Variants in SEMA3A observed in about 807,000 individuals in gnomAD.
SEMA3A encodes the protein semaphorin 3A, also known as semaphorin-3A.
A neutral mutation model predicts 97.9 loss-of-function variants in SEMA3A; 29 were observed. That is an observed-to-expected ratio of 0.30 (90% CI 0.22 to 0.40). The LOEUF (loss-of-function observed/expected upper bound fraction) is 0.40. SEMA3A is among the 10% of genes least tolerant of loss of function. The pLI is 1.00. For synonymous variants in SEMA3A, 321 were observed against 323.7 expected (o/e 0.99, Z 0.09); for missense variants, 763 against 951.3 (o/e 0.80, Z 2.60).
At position 84,181,368 on chromosome 7, in the gene SEMA3A, A is replaced by G. The variant is rs556318762; in HGVS notation, c.112+13107T>C. On this transcript the variant is annotated intron_variant, in intron 1 of 16. Coordinates refer to ENST00000265362, the MANE Select transcript of SEMA3A (RefSeq NM_006080.3). ...ACACATATACATGAGTAGAAAGACT[A>G]TATAACAGGAAAAAATTGATATCAT... Among the ~76,000 whole-genome samples the G allele has an allele frequency of 1.3e-4, 20 of 150,342 alleles. 1 individual carries two copies. The highest frequency in any genetic ancestry group is 2.6e-4 in the Admixed American group (4 of 15,112).
chr7:83,969,414 T>C (rs1266491681), intron 15 of SEMA3A, among the ~76,000 whole-genome samples: 1 of 152,194 alleles, frequency 6.6e-6, no homozygotes. Context: ...TTTGTTACAA[T>C]TATTTTTAAT....
At chr7:84,395,491 G>A (rs558842183) in intron 1 of SEMA3A, among the ~76,000 whole-genome samples, 1 of 152,060 alleles carries the variant, frequency 6.6e-6, no homozygotes, top group East Asian at 1.9e-4. Context: ...ATTTGAATGA[G>A]GATTGATATG....
intron 1 of SEMA3A, among the ~76,000 whole-genome samples, chr7:84,182,945 A>G (rs17158710): frequency 0.011 from 1,604 of 152,254 alleles, 37 homozygotes; most frequent in African/African-American, 0.036. Context: ...GTTGTCAATT[A>G]GCTTTCATTA....
intron 1 of SEMA3A, among the ~76,000 whole-genome samples, chr7:84,425,605 T>A (rs1359805544): frequency 6.8e-6 from 1 of 147,014 alleles, no homozygotes; most frequent in Non-Finnish European, 1.5e-5. Context: ...CATATTGATA[T>A]AAATATTAAC....
At chr7:84,120,480 T>C (rs930066520) in intron 3 of SEMA3A, among the ~76,000 whole-genome samples, 3 of 152,160 alleles carry the variant, frequency 2.0e-5, no homozygotes, top group Admixed American at 6.6e-5. Flanking sequence ...TTACACTGCT[T>C]CTGAAGGCTA....
chr7:84,002,283 G>GA (rs1790489137), intron 11 of SEMA3A, among the ~76,000 whole-genome samples: 1 of 152,110 alleles, frequency 6.6e-6, no homozygotes, highest in African/African-American at 2.4e-5. Context: ...TGAATTTTTA[G>GA]AAATATGTTT....
chr7:84,250,308 A>C (rs536967806), intron 3 of SEMA3A, among the ~76,000 whole-genome samples: 1 of 152,170 alleles, frequency 6.6e-6, no homozygotes, highest in Admixed American at 6.5e-5. Context: ...AAAAAAAAGT[A>C]ACATTTAACT....
At position 84,250,429 on chromosome 7, in the gene SEMA3A, C is replaced by T. The variant is rs78527651; in HGVS notation, c.-82-55761G>A. On this transcript the variant is annotated intron_variant, in intron 3 of 3. Coordinates refer to the SEMA3A transcript ENST00000424555. ...ACGATCTCAGTCCCAGAATAATAAA[C>T]TCACTGGGGGCTTTAAACCTCTTTA... Among the ~76,000 whole-genome samples, 936 of 152,214 alleles carry T rather than the reference C, an allele frequency of 6.1e-3. 43 individuals carry two copies. The East Asian group carries it at 0.12, about 19-fold the overall frequency.
chr7:84,049,613 A>G (rs1011521013), intron 5 of SEMA3A, among the ~76,000 whole-genome samples: 1 of 152,132 alleles, frequency 6.6e-6, no homozygotes, highest in Non-Finnish European at 1.5e-5. Flanking sequence ...TTTGGAGAAT[A>G]GATATATTTT....
chr7:84,481,038 T>G (rs780110013), intron 1 of SEMA3A, among the ~76,000 whole-genome samples: 1 of 152,090 alleles, frequency 6.6e-6, no homozygotes, highest in Non-Finnish European at 1.5e-5. Flanking sequence ...GAAAGAAAGG[T>G]AGAGAAGTTA....
chr7:84,134,723 A>G (rs1430394664), intron 2 of SEMA3A, 71 bp downstream of exon 2: 1 of 1,185,776 alleles, frequency 8.4e-7, no homozygotes, highest in African/African-American at 1.6e-5. Flanking sequence ...ATGCTTTTAA[A>G]TAGCTAGAGA....
At chr7:84,461,693 TA>T (rs1358756745) in intron 1 of SEMA3A, among the ~76,000 whole-genome samples, 1 of 152,136 alleles carries the variant, frequency 6.6e-6, no homozygotes, top group African/African-American at 2.4e-5. Context: ...TTAGAATACA[TA>T]ATCTATTACT....
Position 84,005,560 on chromosome 7 carries a change from T to TATTA in SEMA3A, c.1141-6_1141-3dup. 1 of 1,586,524 alleles carries TATTA rather than the reference T, an allele frequency of 6.3e-7. No homozygotes were observed. Among genetic ancestry groups the TATTA allele is most frequent in the East Asian group, 2.2e-5 (1 of 44,714 alleles). Reference sequence around the variant, plus strand: ...ACCACCAAATGTTTTGCTGGGACACTATTAAGATAAAGAGAAAATTATCTT... The same window carrying TATTA: ...ACCACCAAATGTTTTGCTGGGACACTATTAATTAAGATAAAGAGAAAATTATCTT... On this transcript the variant is annotated splice_polypyrimidine_tract_variant and splice_region_variant and intron_variant, in intron 10 of 16. Coordinates refer to ENST00000265362, the MANE Select transcript of SEMA3A (RefSeq NM_006080.3).
At chr7:84,440,192 A>C (rs563904123) in intron 1 of SEMA3A, among the ~76,000 whole-genome samples, 16 of 152,186 alleles carry the variant, frequency 1.1e-4, no homozygotes, top group Non-Finnish European at 2.2e-4. Flanking sequence ...AGATGTAACT[A>C]TTTTTGGAAA....
exon 1 of SEMA3A, chr7:84,492,722 C>T (rs1806766085): frequency 6.6e-6 from 1 of 151,344 alleles, no homozygotes; most frequent in Non-Finnish European, 1.5e-5. Context: ...CAGGCTTCAT[C>T]TCTATTAGAG....
chr7:84,480,196 G>A (rs186636734), intron 1 of SEMA3A, among the ~76,000 whole-genome samples: 3 of 152,124 alleles, frequency 2.0e-5, no homozygotes, highest in African/African-American at 7.2e-5. Flanking sequence ...GGGCTCTGGG[G>A]TTTTTTGTTT....
At chr7:83,992,344 T>G (rs1336947411) in intron 12 of SEMA3A, among the ~76,000 whole-genome samples, 1 of 142,230 alleles carries the variant, frequency 7.0e-6, no homozygotes, top group Non-Finnish European at 1.5e-5. Flanking sequence ...TTTTAGTTAT[T>G]TCTTGCCTTC....
chr7:84,422,260 C>A (rs1804618212), intron 1 of SEMA3A, among the ~76,000 whole-genome samples: 1 of 151,642 alleles, frequency 6.6e-6, no homozygotes, highest in African/African-American at 2.4e-5. Context: ...GTGTATGTGT[C>A]CAGGAATTTA....
At chr7:83,990,249 T>C (rs1020209027) in intron 12 of SEMA3A, among the ~76,000 whole-genome samples, 7 of 152,152 alleles carry the variant, frequency 4.6e-5, no homozygotes, top group African/African-American at 1.7e-4. Context: ...TTGCAAAAAT[T>C]TTCTCCCATT....
Sources: gnomAD v4.1 joint callset for allele counts (sites outside exome capture counted in the v4.1 genomes callset) on GRCh38, gnomAD v4.1.1 for gene constraint, MANE v1.5 for transcripts, NCBI Gene and HGNC (gene_info 2026-07-23, HGNC 2026-07-21) for gene names.